ZNRF1: variants seen among roughly 807,000 people sequenced by gnomAD.
ZNRF1 encodes E3 ubiquitin-protein ligase ZNRF1.
A neutral mutation model predicts 18.4 loss-of-function variants in ZNRF1; 3 were observed. The ratio of observed to expected loss-of-function variants is 0.16; its 90% CI spans 0.07 to 0.42. The LOEUF (loss-of-function observed/expected upper bound fraction) is 0.42. Ranked by LOEUF, ZNRF1 falls within the 10% of genes least tolerant of loss-of-function variation. The probability of loss-of-function intolerance (pLI) is 0.99; values close to 1 mark genes in which losing one functional copy is unlikely to be tolerated. For synonymous variants in ZNRF1, 157 were observed against 144.2 expected (o/e 1.09, Z -0.64); for missense variants, 310 against 329.8 (o/e 0.94, Z 0.47).
chr16:75,089,715 A>G (rs1042572495), intron 1 of ZNRF1, among the ~76,000 whole-genome samples: 10 of 152,156 alleles, frequency 6.6e-5, no homozygotes, highest in African/African-American at 2.2e-4. Context: ...TCATCTGGAC[A>G]GTGAGGGGAT....
intron 1 of ZNRF1, among the ~76,000 whole-genome samples, chr16:75,006,400 C>T (rs2034917560): frequency 6.6e-6 from 1 of 151,930 alleles, no homozygotes; most frequent in South Asian, 2.1e-4. Flanking sequence ...TGAAGTTAGC[C>T]CAAAACCTAA....
intron 1 of ZNRF1, among the ~76,000 whole-genome samples, chr16:75,067,069 G>A (rs1380374866): frequency 6.6e-6 from 1 of 152,242 alleles, no homozygotes; most frequent in Admixed American, 6.5e-5. Flanking sequence ...CATACCTGTT[G>A]CCTGGTCTGG....
chr16:75,038,268 T>C (rs1476961863), intron 1 of ZNRF1, among the ~76,000 whole-genome samples: 1 of 152,234 alleles, frequency 6.6e-6, no homozygotes, highest in African/African-American at 2.4e-5. Flanking sequence ...AGTCAGTGAC[T>C]GGAATGGCTA....
intron 1 of ZNRF1, among the ~76,000 whole-genome samples, chr16:75,068,873 C>G (rs80015826): frequency 6.8e-6 from 1 of 147,510 alleles, no homozygotes; most frequent in Non-Finnish European, 1.5e-5. Context: ...TTGTCTGAGT[C>G]TTTTTTTTTT....
At chr16:75,055,672 C>T (rs1343583112) in intron 1 of ZNRF1, among the ~76,000 whole-genome samples, 1 of 152,202 alleles carries the variant, frequency 6.6e-6, no homozygotes, top group Non-Finnish European at 1.5e-5. Flanking sequence ...AGTCTCATTT[C>T]TGCTGGAAAG....
At chr16:75,048,228 G>C (rs553831837) in intron 1 of ZNRF1, among the ~76,000 whole-genome samples, 3 of 152,288 alleles carry the variant, frequency 2.0e-5, no homozygotes, top group Admixed American at 2.0e-4. Flanking sequence ...TGGGATTACA[G>C]ACATGAGTCA....
chr16:75,017,991 A>C (rs2035093066), intron 1 of ZNRF1, among the ~76,000 whole-genome samples: 1 of 152,218 alleles, frequency 6.6e-6, no homozygotes. Flanking sequence ...AGCTTGGGCA[A>C]GTGACCTAAC....
intron 1 of ZNRF1, among the ~76,000 whole-genome samples, chr16:75,022,242 G>A (rs577453422): frequency 2.0e-5 from 3 of 151,894 alleles, no homozygotes; most frequent in African/African-American, 4.8e-5. Flanking sequence ...GTGACAGAGC[G>A]AGACTCTGTC....
At chr16:75,044,072 C>T (rs895441352) in intron 1 of ZNRF1, among the ~76,000 whole-genome samples, 1 of 151,870 alleles carries the variant, frequency 6.6e-6, no homozygotes, top group African/African-American at 2.4e-5. Context: ...CTCAGCCTCC[C>T]AAAGTGCTGG....
chr16:75,040,530 C>CA (rs2035430682), intron 1 of ZNRF1, among the ~76,000 whole-genome samples: 1 of 150,252 alleles, frequency 6.7e-6, no homozygotes, highest in Non-Finnish European at 1.5e-5. Flanking sequence ...TAAATGAAAT[C>CA]ATACAGTATG....
chr16:75,022,268 A>C (rs1027989668), intron 1 of ZNRF1, among the ~76,000 whole-genome samples: 1 of 151,080 alleles, frequency 6.6e-6, no homozygotes. Flanking sequence ...AATTTTTTTA[A>C]AAAATAATTA....
intron 1 of ZNRF1, among the ~76,000 whole-genome samples, chr16:75,053,237 A>AT (rs2035627892): frequency 6.6e-6 from 1 of 152,198 alleles, no homozygotes; most frequent in South Asian, 2.1e-4. Context: ...TAAGGTGGGA[A>AT]TAGAGGGTCA....
At chr16:75,045,954 G>A (rs775602533) in intron 1 of ZNRF1, among the ~76,000 whole-genome samples, 15 of 151,922 alleles carry the variant, frequency 9.9e-5, no homozygotes, top group African/African-American at 1.9e-4. Context: ...CCAAGCTAGA[G>A]TACAATGGCA....
chr16:75,035,109 A>G (rs553897389), intron 1 of ZNRF1, among the ~76,000 whole-genome samples: 5 of 149,894 alleles, frequency 3.3e-5, no homozygotes, highest in South Asian at 2.1e-4. Flanking sequence ...GCTTGCTGCA[A>G]TCCCCACCCT....
At chr16:75,020,535 C>G (rs1046498240) in intron 1 of ZNRF1, among the ~76,000 whole-genome samples, 1 of 151,350 alleles carries the variant, frequency 6.6e-6, no homozygotes, top group African/African-American at 2.4e-5. Context: ...TCAGTCTTTT[C>G]TTTTCTTTTC....
intron 1 of ZNRF1, among the ~76,000 whole-genome samples, chr16:75,092,601 A>G (rs934858041): frequency 6.6e-6 from 1 of 152,270 alleles, no homozygotes; most frequent in Non-Finnish European, 1.5e-5. Flanking sequence ...GTATGGACAA[A>G]TGGATCAGGG....
intron 1 of ZNRF1, among the ~76,000 whole-genome samples, chr16:75,053,524 G>C (rs1025589139): frequency 6.8e-6 from 1 of 148,002 alleles, no homozygotes; most frequent in Non-Finnish European, 1.5e-5. Context: ...GGGAGGCGGA[G>C]GTTGCGGTGA....
intron 1 of ZNRF1, among the ~76,000 whole-genome samples, chr16:75,057,744 T>C (rs2035686058): frequency 6.6e-6 from 1 of 152,232 alleles, no homozygotes; most frequent in African/African-American, 2.4e-5. Context: ...CAAGTGATTC[T>C]CTTGCCTCAG....
chr16:75,027,784 G>A (rs1384302029), intron 1 of ZNRF1, among the ~76,000 whole-genome samples: 2 of 152,054 alleles, frequency 1.3e-5, no homozygotes, highest in South Asian at 2.1e-4. Context: ...GAGCACATTC[G>A]CTGTCCTCAC....
Sources: gnomAD v4.1 joint callset for allele counts (sites outside exome capture counted in the v4.1 genomes callset) on GRCh38, gnomAD v4.1.1 for gene constraint, MANE v1.5 for transcripts, NCBI Gene and HGNC (gene_info 2026-07-23, HGNC 2026-07-21) for gene names.